The following TMPRSS9 variants were observed in gnomAD, a reference collection of about 807,000 sequenced individuals.
The protein encoded by TMPRSS9 is transmembrane protease serine 9.
TMPRSS9 carries 113 observed loss-of-function variants against 111.4 expected under a neutral mutation model. The observed-to-expected ratio is 1.01, with a 90% CI of 0.87 to 1.19. The LOEUF (loss-of-function observed/expected upper bound fraction) is 1.19, where lower values mean the gene tolerates loss of function less well. Among genes scored for constraint, TMPRSS9 ranks in the 50% most tolerant of loss-of-function variants. The pLI, the probability that TMPRSS9 is intolerant of heterozygous loss-of-function variation, is 0.00. For missense variants in TMPRSS9, 1,803 were observed against 1,513.1 expected, an observed-to-expected ratio of 1.19 and a Z score of -3.18; for synonymous variants, 805 against 659.1, an observed-to-expected ratio of 1.22 and a Z score of -3.39.
upstream of TMPRSS9, among the ~76,000 whole-genome samples, chr19:2,385,262 C>T (rs1017287008): frequency 6.6e-6 from 1 of 151,632 alleles, no homozygotes. Flanking sequence ...GAGGAGGGAT[C>T]CCAGTGCTCC....
intron 4 of TMPRSS9, among the ~76,000 whole-genome samples, chr19:2,401,040 C>T (rs961132189): frequency 1.5e-4 from 22 of 150,210 alleles, no homozygotes; most frequent in South Asian, 4.2e-4. Flanking sequence ...TTTAGGAGGC[C>T]GAGGTGGGCA....
chr19:2,375,965 A>G (rs1359881800), intron 1 of TMPRSS9, among the ~76,000 whole-genome samples: 1 of 152,092 alleles, frequency 6.6e-6, no homozygotes, highest in Non-Finnish European at 1.5e-5. Flanking sequence ...TTCCTCCTGT[A>G]AAGATGCCAG....
intron 8 of TMPRSS9, among the ~76,000 whole-genome samples, chr19:2,409,558 C>T (rs1035398298): frequency 1.3e-5 from 2 of 151,942 alleles, no homozygotes; most frequent in African/African-American, 4.8e-5. Flanking sequence ...AGATGACTGA[C>T]AGAGGGAAAT....
intron 9 of TMPRSS9, among the ~76,000 whole-genome samples, chr19:2,410,976 G>A (rs1461060958): frequency 1.3e-5 from 2 of 152,084 alleles, no homozygotes; most frequent in East Asian, 1.9e-4. Context: ...GTGGTCAGCT[G>A]GGCCATGAGT....
chr19:2,396,795 CG>C (rs1290920885), intron 2 of TMPRSS9, 129 bp downstream of exon 3: 2 of 1,345,358 alleles, frequency 1.5e-6, no homozygotes, highest in Non-Finnish European at 2.0e-6. Flanking sequence ...GCTGTGAGAC[CG>C]GGAGGCCAGG....
chr19:2,419,351 C>G (rs1283367671), intron 13 of TMPRSS9, among the ~76,000 whole-genome samples: 9 of 145,894 alleles, frequency 6.2e-5, no homozygotes, highest in Admixed American at 4.1e-4. Context: ...TTATAGGCGC[C>G]CGCCACCATG....
intron 1 of TMPRSS9, among the ~76,000 whole-genome samples, chr19:2,375,947 G>T (rs1970330143): frequency 6.6e-6 from 1 of 152,098 alleles, no homozygotes; most frequent in Non-Finnish European, 1.5e-5. Context: ...GCTCCCATTT[G>T]CAGGGTGTTC....
intron 12 of TMPRSS9, among the ~76,000 whole-genome samples, chr19:2,417,466 CAA>C (rs61320761): frequency 7.9e-4 from 84 of 106,994 alleles, no homozygotes; most frequent in Non-Finnish European, 8.0e-4. Context: ...ACTCCCATCT[CAA>C]AAAAAAAAAA....
intron 17 of TMPRSS9, 95 bp from the exon 19 acceptor site, chr19:2,425,832 A>T: frequency 1.4e-6 from 2 of 1,447,014 alleles, no homozygotes; most frequent in Non-Finnish European, 1.8e-6. Flanking sequence ...CTCCCAGGGG[A>T]AGTCACTAGG....
At chr19:2,363,910 G>A (rs1970227318) in intron 1 of TMPRSS9, among the ~76,000 whole-genome samples, 1 of 151,866 alleles carries the variant, frequency 6.6e-6, no homozygotes, top group Non-Finnish European at 1.5e-5. Flanking sequence ...AAATGGGCAT[G>A]CTGATATTAG....
intron 1 of TMPRSS9, among the ~76,000 whole-genome samples, chr19:2,371,786 T>C (rs1485375840): frequency 6.6e-6 from 1 of 151,740 alleles, no homozygotes; most frequent in Non-Finnish European, 1.5e-5. Flanking sequence ...CAAAGCAAAC[T>C]GACTCACTGG....
chr19:2,363,983 A>G (rs1188375967), intron 1 of TMPRSS9, among the ~76,000 whole-genome samples: 3 of 151,828 alleles, frequency 2.0e-5, no homozygotes, highest in African/African-American at 7.3e-5. Flanking sequence ...TCATAAGCCT[A>G]TGAGCCCTAC....
intron 13 of TMPRSS9, among the ~76,000 whole-genome samples, chr19:2,420,167 A>G (rs1258452396): frequency 7.9e-6 from 1 of 126,962 alleles, no homozygotes; most frequent in Non-Finnish European, 1.6e-5. Context: ...ATCTCAAAAA[A>G]CGAAGGGCGG....
At chr19:2,370,471 G>T (rs1203954822) in intron 1 of TMPRSS9, among the ~76,000 whole-genome samples, 1 of 150,308 alleles carries the variant, frequency 6.7e-6, no homozygotes, top group African/African-American at 2.5e-5. Context: ...GTCCCAGGTT[G>T]CAGGCTACAC....
exon 8 of TMPRSS9, chr19:2,408,483 G>C: frequency 6.2e-7 from 1 of 1,613,952 alleles, no homozygotes; most frequent in Non-Finnish European, 8.5e-7. Context: ...GGACACGGCC[G>C]ACTTTGACGT....
At position 2,418,331 on chromosome 19, in the gene TMPRSS9, C is replaced by G. The variant is rs778244103; in HGVS notation, c.2154+193C>G. ...TTTCCCTCCCTCCCTCCCTCCCTCC[C>G]TTTCCTTCCCTCCCTTTCCCTCCCT... On this transcript the variant is annotated intron_variant, in intron 13 of 17. Coordinates refer to ENST00000648592, the Ensembl canonical transcript of TMPRSS9. Among the ~76,000 whole-genome samples the G allele has an allele frequency of 4.7e-4, 21 of 44,576 alleles. 1 individual carries two copies. Among genetic ancestry groups the G allele is most frequent in the African/African-American group, 4.5e-3 (19 of 4,220 alleles). The allele number at this position is 44,576 out of a possible 152,430, so 29.2% of individuals were successfully genotyped here. A position where few individuals can be genotyped will look rare whatever the true frequency, so the allele number is the denominator to read the frequency against.
exon 16 of TMPRSS9, chr19:2,425,003 T>G: frequency 6.6e-7 from 1 of 1,525,226 alleles, no homozygotes; most frequent in Non-Finnish European, 8.8e-7. Flanking sequence ...GCCCCGCAGC[T>G]ACGGGGACCC....
intron 1 of TMPRSS9, among the ~76,000 whole-genome samples, chr19:2,394,575 C>G (rs1292081966): frequency 8.1e-6 from 1 of 122,880 alleles, no homozygotes; most frequent in Non-Finnish European, 1.7e-5. Context: ...GCAATTCAGT[C>G]CGCCCACCAG....
intron 1 of TMPRSS9, among the ~76,000 whole-genome samples, chr19:2,391,984 CA>C (rs1339579022): frequency 2.0e-5 from 3 of 152,110 alleles, no homozygotes; most frequent in East Asian, 2.0e-4. Flanking sequence ...TCAAGTGATC[CA>C]CCTGCCTTGG....
Sources: gnomAD v4.1 joint callset for allele counts (sites outside exome capture counted in the v4.1 genomes callset) on GRCh38, gnomAD v4.1.1 for gene constraint, MANE v1.5 for transcripts, NCBI Gene and HGNC (gene_info 2026-07-23, HGNC 2026-07-21) for gene names.